The following GRHL2 variants were observed in gnomAD, a reference collection of about 807,000 sequenced individuals.
GRHL2 encodes grainyhead like transcription factor 2.
GRHL2 carries 21 observed loss-of-function variants against 83.8 expected under a neutral mutation model. The observed-to-expected ratio is 0.25, with a 90% CI of 0.18 to 0.36. The LOEUF (loss-of-function observed/expected upper bound fraction) is 0.36. GRHL2 is among the 10% of genes least tolerant of loss of function. The pLI is 1.00. For synonymous variants in GRHL2, 280 were observed against 278.9 expected (o/e 1.00, Z -0.04); for missense variants, 623 against 781.8 (o/e 0.80, Z 2.42).
intron 1 of GRHL2, among the ~76,000 whole-genome samples, chr8:101,494,291 C>G (rs1810048601): frequency 6.6e-6 from 1 of 152,194 alleles, no homozygotes; most frequent in Non-Finnish European, 1.5e-5. Flanking sequence ...CAACATAAAG[C>G]CGCTGGCAGG....
intron 1 of GRHL2, among the ~76,000 whole-genome samples, chr8:101,493,772 C>T (rs1458065088): frequency 1.3e-5 from 2 of 152,048 alleles, no homozygotes; most frequent in African/African-American, 2.4e-5. Context: ...CTTCCCGTCC[C>T]GGACAGGCAC....
At chr8:101,546,400 A>G (rs949061667) in intron 2 of GRHL2, among the ~76,000 whole-genome samples, 2 of 149,892 alleles carry the variant, frequency 1.3e-5, no homozygotes, top group Non-Finnish European at 2.9e-5. Flanking sequence ...CCTGAAACAA[A>G]CATAATTAGT....
chr8:101,636,991 T>G, intron 12 of GRHL2, 63 bp downstream of exon 12: 109 of 1,412,872 alleles, frequency 7.7e-5, no homozygotes, highest in Non-Finnish European at 9.9e-5. Context: ...GTAATGGCTC[T>G]TCCAGCACTT....
At chr8:101,572,855 C>A (rs188993677) in intron 5 of GRHL2, among the ~76,000 whole-genome samples, 105 of 152,284 alleles carry the variant, frequency 6.9e-4, no homozygotes, top group African/African-American at 2.5e-3. Context: ...GGGATCTGCA[C>A]ACTTTTTCTG....
chr8:101,507,770 CTTTTTTTTTTTTT>C (rs11295472), intron 1 of GRHL2, among the ~76,000 whole-genome samples: 1 of 66,296 alleles, frequency 1.5e-5, no homozygotes, highest in African/African-American at 6.3e-5. Context: ...ATGATTATCC[CTTTTTTTTTTTTT>C]TTTTTTTTTT....
intron 12 of GRHL2, among the ~76,000 whole-genome samples, chr8:101,641,034 A>G (rs1246937797): frequency 6.6e-6 from 1 of 152,130 alleles, no homozygotes; most frequent in African/African-American, 2.4e-5. Context: ...TTTGAAAATG[A>G]TTCCTCTGGG....
intron 1 of GRHL2, among the ~76,000 whole-genome samples, chr8:101,532,477 C>G (rs13264251): frequency 6.6e-6 from 1 of 152,138 alleles, no homozygotes; most frequent in South Asian, 2.1e-4. Context: ...TTCAGCTGGC[C>G]GCGGTGGCTC....
At chr8:101,656,869 A>AAC (rs1329881993) in intron 14 of GRHL2, among the ~76,000 whole-genome samples, 4 of 55,360 alleles carry the variant, frequency 7.2e-5, no homozygotes, top group African/African-American at 3.7e-4. Flanking sequence ...TTATGTGTCT[A>AAC]ACAGACACAC....
chr8:101,611,053 C>T (rs186108218), intron 8 of GRHL2, among the ~76,000 whole-genome samples: 1 of 150,942 alleles, frequency 6.6e-6, no homozygotes, highest in African/African-American at 2.5e-5. Context: ...AGGCTGGGAA[C>T]TTCCTTGTCC....
intron 1 of GRHL2, among the ~76,000 whole-genome samples, chr8:101,501,248 T>C (rs1184809057): frequency 6.6e-6 from 1 of 152,240 alleles, no homozygotes; most frequent in African/African-American, 2.4e-5. Flanking sequence ...CAATGAACTT[T>C]GTGGGGAGCA....
At chr8:101,660,471 TTCTC>T (rs1157434268) in intron 14 of GRHL2, among the ~76,000 whole-genome samples, 1 of 152,176 alleles carries the variant, frequency 6.6e-6, no homozygotes, top group Non-Finnish European at 1.5e-5. Context: ...TTCTTTATCT[TTCTC>T]TTTATTTATT....
intron 7 of GRHL2, among the ~76,000 whole-genome samples, chr8:101,596,462 A>G (rs74794230): frequency 6.6e-6 from 1 of 152,232 alleles, no homozygotes; most frequent in African/African-American, 2.4e-5. Context: ...TTAAGCATAT[A>G]TGAATTTTTA....
chr8:101,650,698 A>G (rs1813604585), intron 14 of GRHL2, among the ~76,000 whole-genome samples: 1 of 151,722 alleles, frequency 6.6e-6, no homozygotes, highest in African/African-American at 2.4e-5. Context: ...TTTGGGGGGG[A>G]TGAAAATGTT....
chr8:101,650,302 G>A (rs941714626), intron 14 of GRHL2, among the ~76,000 whole-genome samples: 4 of 152,132 alleles, frequency 2.6e-5, no homozygotes, highest in African/African-American at 9.7e-5. Flanking sequence ...TCTTTCATTT[G>A]GGATACTCTT....
At chr8:101,549,003 G>T (rs1249047208) in intron 2 of GRHL2, among the ~76,000 whole-genome samples, 1 of 152,162 alleles carries the variant, frequency 6.6e-6, no homozygotes, top group Admixed American at 6.5e-5. Context: ...TTTAGTGAGG[G>T]CCTACTACAT....
intron 4 of GRHL2, chr8:101,562,087 C>A: frequency 2.9e-6 from 2 of 684,462 alleles, no homozygotes; most frequent in East Asian, 2.9e-5. Flanking sequence ...AAGGGGGGCT[C>A]AGATAAGATG....
rs1266139521 is a variant in GRHL2, at chr8:101,568,902, A to G, written c.679-1437A>G. On this transcript the variant is annotated intron_variant, in intron 4 of 15. Coordinates refer to ENST00000646743, the MANE Select transcript of GRHL2 (RefSeq NM_024915.4). ...CAAGAAGTAAGATTGGATAAAAAGA[A>G]GGATCATAAATATGTATGGAAACTG... 6.6e-5 allele frequency among the ~76,000 whole-genome samples: 10 copies of G among 152,244 alleles called. No homozygotes were observed. The South Asian group carries it at 1.4e-3, about 22-fold the overall frequency.
At chr8:101,616,179 T>C (rs995093136) in intron 8 of GRHL2, among the ~76,000 whole-genome samples, 5 of 151,014 alleles carry the variant, frequency 3.3e-5, no homozygotes, top group African/African-American at 9.7e-5. Context: ...TCTCTCTCTC[T>C]CTTTCTTTTT....
chr8:101,663,740 C>A (rs1813979317), intron 14 of GRHL2, among the ~76,000 whole-genome samples: 1 of 151,966 alleles, frequency 6.6e-6, no homozygotes, highest in Admixed American at 6.6e-5. Flanking sequence ...AATTATTTTT[C>A]TTCCGTGAAT....
Sources: gnomAD v4.1 joint callset for allele counts (sites outside exome capture counted in the v4.1 genomes callset) on GRCh38, gnomAD v4.1.1 for gene constraint, MANE v1.5 for transcripts, NCBI Gene and HGNC (gene_info 2026-07-23, HGNC 2026-07-21) for gene names.